Variants in AKT2 observed in about 807,000 individuals in gnomAD.
The protein encoded by AKT2 is RAC-beta serine/threonine-protein kinase.
A neutral mutation model predicts 58.6 loss-of-function variants in AKT2; 16 were observed. The ratio of observed to expected loss-of-function variants is 0.27; its 90% CI spans 0.18 to 0.41. AKT2 has a LOEUF of 0.41. Among genes scored for constraint, AKT2 ranks in the 10% least tolerant of loss-of-function variants. AKT2 has a pLI of 1.00. For missense variants in AKT2, 438 were observed against 661.0 expected, an observed-to-expected ratio of 0.66 and a Z score of 3.70; for synonymous variants, 253 against 254.0, an observed-to-expected ratio of 1.00 and a Z score of 0.04.
At chr19:40,253,662 C>T (rs996760773) in intron 4 of AKT2, among the ~76,000 whole-genome samples, 2 of 152,176 alleles carry the variant, frequency 1.3e-5, no homozygotes, top group African/African-American at 2.4e-5. Flanking sequence ...AAACCACAAA[C>T]TTATTTTCCC....
intron 6 of AKT2, 78 bp from the exon 7 acceptor site, chr19:40,240,188 C>T (rs1024323764): frequency 1.1e-4 from 158 of 1,431,644 alleles, no homozygotes; most frequent in Non-Finnish European, 1.4e-4. Flanking sequence ...GGGAGCAAGG[C>T]CTTGTGAAAT....
intron 1 of AKT2, among the ~76,000 whole-genome samples, chr19:40,271,330 G>A (rs568037214): frequency 6.7e-6 from 1 of 149,466 alleles, no homozygotes; most frequent in East Asian, 2.0e-4. Flanking sequence ...GGGAGGCTGA[G>A]GTGGGAGGTT....
rs1197468715 is a variant in AKT2, at chr19:40,236,015, G to A, written c.1050C>T (p.Phe350=). The A allele has an allele frequency of 6.2e-7, 1 of 1,614,128 alleles. No homozygotes were observed. The highest frequency in any genetic ancestry group is 2.2e-5 in the East Asian group (1 of 44,862). The part of the protein sequence containing the change: ...MYEMMCGRLP[F]YNQDHERLFE... Reference sequence around the variant, plus strand: ...AGAGGCGCTCGTGGTCCTGGTTGTAGAAGGGCAGGCGGCCGCACATCATCT... The same window carrying A: ...AGAGGCGCTCGTGGTCCTGGTTGTAAAAGGGCAGGCGGCCGCACATCATCT... The change falls in exon 11 of 14, where the codon TTC becomes TTT. Residue 350 remains phenylalanine (F), a synonymous_variant. Transcript: ENST00000392038.
chr19:40,242,342 G>T lies in AKT2; in HGVS notation c.441+192C>A. On this transcript the variant is annotated intron_variant, in intron 5 of 13. Transcript: ENST00000392038. The surrounding 1 kb of genome is among the most constrained non-coding windows in gnomAD (Gnocchi z 4.3). Reference sequence around the variant, plus strand: ...ACGAACCTGCAGTGGGTCCACCCAAGGTTGCTCCCTCCCCTACGGGCATGG... The same window carrying T: ...ACGAACCTGCAGTGGGTCCACCCAATGTTGCTCCCTCCCCTACGGGCATGG... 1.0e-6 allele frequency: 1 copy of T among 982,342 alleles called. No individual in the cohort carries two copies. Among genetic ancestry groups the T allele is most frequent in the African/African-American group, 1.6e-5 (1 of 62,818 alleles). The allele number at this position is 982,342 out of a possible 1,614,324, so 60.9% of individuals were successfully genotyped here. A position where few individuals can be genotyped will look rare whatever the true frequency, so the allele number is the denominator to read the frequency against.
intron 2 of AKT2, among the ~76,000 whole-genome samples, chr19:40,262,344 T>C (rs1277172804): frequency 6.6e-6 from 1 of 152,146 alleles, no homozygotes; most frequent in Non-Finnish European, 1.5e-5. Context: ...GAGGTCCTAT[T>C]AGTTTGCCCA....
chr19:40,245,577 G>C (rs1258530536), intron 4 of AKT2, among the ~76,000 whole-genome samples: 2 of 152,100 alleles, frequency 1.3e-5, no homozygotes, highest in Non-Finnish European at 2.9e-5. Context: ...TAACAAATGG[G>C]AAGCACTTGC....
At chr19:40,243,010 G>A in intron 4 of AKT2, 1 of 352,980 alleles carries the variant, frequency 2.8e-6, no homozygotes, top group South Asian at 2.3e-5. Flanking sequence ...AGTCAGGGGT[G>A]GCATTCGCCT....
chr19:40,236,573 G>T, intron 9 of AKT2, 188 bp from the exon 10 acceptor site: 1 of 742,824 alleles, frequency 1.3e-6, no homozygotes, highest in Non-Finnish European at 2.2e-6. Flanking sequence ...CTCACCCTCT[G>T]GCCCACCCCC....
chr19:40,231,915 G>T lies in AKT2; in HGVS notation c.*1957C>A. 8.6e-6 allele frequency: 2 copies of T among 233,422 alleles called. No individual in the cohort carries two copies. The highest frequency in any genetic ancestry group is 6.0e-5 in the East Asian group (1 of 16,594). 14.5% of individuals were successfully genotyped at this position (233,422 alleles called of 1,614,324 possible). On this transcript the variant is annotated 3_prime_UTR_variant, in exon 14 of 14. Coordinates refer to ENST00000392038, the MANE Select transcript of AKT2 (RefSeq NM_001626.6). ...AGGTGGCAGCATAAACAGGGAGGTGGGGCAGGATAGGAATGCCCCCCTCTG... is the reference window on the plus strand; with the variant it reads ...AGGTGGCAGCATAAACAGGGAGGTGTGGCAGGATAGGAATGCCCCCCTCTG...
chr19:40,240,284 A>G (rs1352174939), intron 6 of AKT2, 174 bp from the exon 7 acceptor site: 1 of 801,400 alleles, frequency 1.2e-6, no homozygotes, highest in Admixed American at 1.7e-5. Context: ...GCAGACCCAG[A>G]CGAGGATCAT....
At position 40,255,230 on chromosome 19, in the gene AKT2, G is replaced by A. The variant is rs765768303; in HGVS notation, c.215C>T (p.Thr72Ile). ...CCACTGCAGGCAGCGTATGACAAAG[G>A]TGTTGGGTCGCGGCCTCTCGGTCTT... The part of the protein sequence containing the change: ...LMKTERPRPN[T>I]FVIRCLQWTT... Residue 72 changes from threonine (T) to isoleucine (I), a missense_variant, in exon 4 of 14, where the codon ACC (threonine) becomes ATC (isoleucine). By Grantham distance (89) the Thr-to-Ile change is moderately conservative. Transcript: ENST00000392038. 6 of 1,614,154 alleles carry A rather than the reference G, an allele frequency of 3.7e-6. No individual in the cohort carries two copies. The highest frequency in any genetic ancestry group is 5.1e-6 in the Non-Finnish European group (6 of 1,179,974).
intron 4 of AKT2, among the ~76,000 whole-genome samples, chr19:40,253,735 C>T (rs765625142): frequency 5.9e-5 from 9 of 152,118 alleles, no homozygotes; most frequent in African/African-American, 4.8e-5. Context: ...ACACATCAAA[C>T]GAGACAGACA....
chr19:40,284,553 AAACCCCTCCTCACC>A (rs2077479338), intron 1 of AKT2, among the ~76,000 whole-genome samples: 1 of 152,114 alleles, frequency 6.6e-6, no homozygotes, highest in Admixed American at 6.5e-5. Context: ...CAGGAAACAG[AAACCCCTCCTCACC>A]AATCGGCATC....
At chr19:40,256,821 G>A (rs947822659) in intron 3 of AKT2, 105 bp downstream of exon 3, 8 of 1,547,968 alleles carry the variant, frequency 5.2e-6, no homozygotes, top group African/African-American at 2.7e-5. Context: ...GGGCAAGCAG[G>A]CCCAGGACAG....
intron 1 of AKT2, among the ~76,000 whole-genome samples, chr19:40,277,958 G>A (rs1356878174): frequency 6.6e-6 from 1 of 152,230 alleles, no homozygotes; most frequent in Non-Finnish European, 1.5e-5. Context: ...GCAGTGGGGA[G>A]GGGGTGCCTC....
intron 7 of AKT2, chr19:40,239,667 C>A (rs891463330): frequency 2.6e-6 from 1 of 387,154 alleles, no homozygotes; most frequent in African/African-American, 2.1e-5. Context: ...TGACAGACAA[C>A]ACAATGCTAA....
rs540532566 is a variant in AKT2, at chr19:40,245,131, G to A, written c.288-2444C>T. On this transcript the variant is annotated intron_variant, in intron 4 of 13. Coordinates refer to ENST00000392038, the MANE Select transcript of AKT2 (RefSeq NM_001626.6). ...AGCAGTGTTTAATACACAGGCTGTC[G>A]TGAGGTAGAATGCCTGTGAGGCATC... Among the ~76,000 whole-genome samples, 3 of 152,312 alleles carry A rather than the reference G, an allele frequency of 2.0e-5. No individual in the cohort carries two copies. In the East Asian group the frequency reaches 5.8e-4, roughly 29 times the overall value.
chr19:40,263,843 T>C (rs367858508), intron 2 of AKT2, among the ~76,000 whole-genome samples: 24 of 152,314 alleles, frequency 1.6e-4, no homozygotes, highest in South Asian at 8.3e-4. Context: ...TCAGGACTCA[T>C]TGGCTGTCGC....
In AKT2 at chr19:40,231,375, T is replaced by C. The variant is rs1973694576; in HGVS notation, c.*2497A>G. 8.6e-6 allele frequency: 2 copies of C among 233,250 alleles called. No homozygotes were observed. The highest frequency in any genetic ancestry group is 1.7e-5 in the Non-Finnish European group (2 of 117,998). 14.4% of individuals were successfully genotyped at this position (233,250 alleles called of 1,614,324 possible). A position where few individuals can be genotyped will look rare whatever the true frequency, so the allele number is the denominator to read the frequency against. ...AAAGGCCTTTCTTCATAGGCCTGCC[T>C]ATTTTATGACCACCAGGGTAGACTT... is the stretch of plus-strand genomic sequence containing the variant. On this transcript the variant is annotated 3_prime_UTR_variant, in exon 14 of 14. Transcript: ENST00000392038.
Sources: allele counts gnomAD v4.1 joint callset (sites outside exome capture counted in the v4.1 genomes callset), GRCh38; gene constraint gnomAD v4.1.1; non-coding constraint Gnocchi (gnomAD v3.1); transcripts MANE v1.5; gene names NCBI Gene and HGNC (gene_info 2026-07-23, HGNC 2026-07-21).